PLEKHF2: variants seen among roughly 807,000 people sequenced by gnomAD.
PLEKHF2 encodes pleckstrin homology domain-containing family F member 2.
Under a neutral mutation model 14.7 loss-of-function variants are expected in PLEKHF2, and 4 were observed. That is an observed-to-expected ratio of 0.27 (90% CI 0.13 to 0.62). PLEKHF2 has a LOEUF of 0.62. Ranked by LOEUF, PLEKHF2 falls within the 20% of genes least tolerant of loss-of-function variation. The probability of loss-of-function intolerance (pLI) is 0.85; values close to 1 mark genes in which losing one functional copy is unlikely to be tolerated. For synonymous variants in PLEKHF2, 90 were observed against 103.5 expected, an observed-to-expected ratio of 0.87 and a Z score of 0.79; for missense variants, 201 against 307.7, an observed-to-expected ratio of 0.65 and a Z score of 2.60.
rs1280519587 is a variant in PLEKHF2, at chr8:95,156,612, A to AT, written c.*1819dup. 6.0e-6 allele frequency: 1 copy of AT among 167,084 alleles called. No individual in the cohort carries two copies. Among genetic ancestry groups the AT allele is most frequent in the Admixed American group, 6.5e-5 (1 of 15,284 alleles). 10.4% of individuals were successfully genotyped at this position (167,084 alleles called of 1,614,324 possible). A position where few individuals can be genotyped will look rare whatever the true frequency, so the allele number is the denominator to read the frequency against. On this transcript the variant is annotated 3_prime_UTR_variant, in exon 2 of 2. Coordinates refer to ENST00000315367, the MANE Select transcript of PLEKHF2 (RefSeq NM_024613.4). ...TAGCAAATTCAGGAACCAAGGGGAA[A>AT]TGTTGTGAGATAACATTTACATTGT...
At chr8:95,153,802 T>C (rs180905478) in intron 1 of PLEKHF2, among the ~76,000 whole-genome samples, 22 of 152,310 alleles carry the variant, frequency 1.4e-4, no homozygotes, top group Non-Finnish European at 2.5e-4. Context: ...AAATACCTGC[T>C]TAACTAGTAT....
intron 1 of PLEKHF2, among the ~76,000 whole-genome samples, chr8:95,143,808 A>G (rs1810462476): frequency 1.3e-5 from 2 of 152,212 alleles, no homozygotes; most frequent in African/African-American, 4.8e-5. Context: ...AGGATTTTAG[A>G]TTTGATTCTG....
At chr8:95,148,277 T>C (rs1810522184) in intron 1 of PLEKHF2, among the ~76,000 whole-genome samples, 1 of 152,024 alleles carries the variant, frequency 6.6e-6, no homozygotes, top group East Asian at 1.9e-4. Context: ...AGACAAAAAG[T>C]ATTTTCGACC....
At chr8:95,149,875 G>A (rs1270140472) in intron 1 of PLEKHF2, among the ~76,000 whole-genome samples, 1 of 152,140 alleles carries the variant, frequency 6.6e-6, no homozygotes, top group Admixed American at 6.6e-5. Context: ...GAAGGACTCA[G>A]TCCTTGGCTA....
At position 95,153,999 on chromosome 8, in the gene PLEKHF2, A is replaced by G. The variant is rs761658247; in HGVS notation, c.-14-32A>G. On this transcript the variant is annotated intron_variant, in intron 1 of 1. Transcript: ENST00000315367. ...TAACTTATAGGAATTTATAATTTAT[A>G]TGTGCTAATTTCTTTTTCTTTTTTT... 4 of 1,416,330 alleles carry G rather than the reference A, an allele frequency of 2.8e-6. No homozygotes were observed. The South Asian group carries it at 5.1e-5, about 18-fold the overall frequency. 87.7% of individuals were successfully genotyped at this position (1,416,330 alleles called of 1,614,324 possible).
At chr8:95,144,867 G>GAAA (rs35770837) in intron 1 of PLEKHF2, among the ~76,000 whole-genome samples, 3 of 65,110 alleles carry the variant, frequency 4.6e-5, no homozygotes, top group Admixed American at 1.7e-4. Context: ...TCTGTCTCAA[G>GAAA]AAAAAAAAAA....
intron 1 of PLEKHF2, among the ~76,000 whole-genome samples, chr8:95,135,872 A>C (rs767424668): frequency 3.3e-5 from 5 of 152,040 alleles, no homozygotes; most frequent in Non-Finnish European, 4.4e-5. Flanking sequence ...CTCTGACTTG[A>C]ATTTAGTTCT....
At chr8:95,144,318 A>T (rs1374930093) in intron 1 of PLEKHF2, among the ~76,000 whole-genome samples, 2 of 152,088 alleles carry the variant, frequency 1.3e-5, no homozygotes, top group African/African-American at 4.8e-5. Flanking sequence ...TTTATGTACT[A>T]TTTCTCTATC....
rs1295172395 is a variant in PLEKHF2 at position 95,155,712 on chromosome 8, G to GA, written c.*922dup. The GA allele has an allele frequency of 2.4e-5, 4 of 166,892 alleles. No individual in the cohort carries two copies. The highest frequency in any genetic ancestry group is 5.9e-5 in the Non-Finnish European group (4 of 68,060). The allele number at this position is 166,892 out of a possible 1,614,324, so 10.3% of individuals were successfully genotyped here. A position where few individuals can be genotyped will look rare whatever the true frequency, so the allele number is the denominator to read the frequency against. On this transcript the variant is annotated 3_prime_UTR_variant, in exon 2 of 2. Transcript: ENST00000315367. ...GGATTGAAAATCTTATAAAACCCTTGAAAATAAACAGTCTCTTTTTTACAA... is the reference window on the plus strand; with the variant it reads ...GGATTGAAAATCTTATAAAACCCTTGAAAAATAAACAGTCTCTTTTTTACAA...
Position 95,154,108 on chromosome 8 carries a change from T to C in PLEKHF2, c.64T>C (p.Phe22Leu). ...TRRISIVENC[F>L]GAAGQPLTIP... is the part of the protein sequence containing the mutation. Reference sequence around the variant, plus strand: ...ACGTATAAGTATAGTGGAAAACTGTTTTGGAGCAGCTGGTCAACCTTTAAC... The same window carrying C: ...ACGTATAAGTATAGTGGAAAACTGTCTTGGAGCAGCTGGTCAACCTTTAAC... The change falls in exon 2 of 2, where the codon TTT becomes CTT. Residue 22 changes from phenylalanine (F) to leucine (L), a missense_variant. Physicochemically the swap from Phe to Leu is conservative, Grantham distance 22. Transcript: ENST00000315367. This position sits in a 1 kb window ranked among gnomAD's most constrained non-coding sequence, Gnocchi z 5.6. 6.2e-7 allele frequency: 1 copy of C among 1,613,826 alleles called. No individual in the cohort carries two copies. Among genetic ancestry groups the C allele is most frequent in the Non-Finnish European group, 8.5e-7 (1 of 1,179,874 alleles).
intron 1 of PLEKHF2, among the ~76,000 whole-genome samples, chr8:95,147,637 C>A (rs1235254564): frequency 1.3e-5 from 2 of 151,912 alleles, no homozygotes; most frequent in Non-Finnish European, 1.5e-5. Context: ...ATTATTTAAT[C>A]ATTATTCATT....
At chr8:95,150,242 T>C (rs1810541344) in intron 1 of PLEKHF2, among the ~76,000 whole-genome samples, 1 of 152,050 alleles carries the variant, frequency 6.6e-6, no homozygotes, top group Non-Finnish European at 1.5e-5. Flanking sequence ...GTTTTTTAGT[T>C]CATTGCTTAC....
In PLEKHF2 at chr8:95,155,782, A is replaced by G. The variant is rs1431458468; in HGVS notation, c.*988A>G. 6.0e-6 allele frequency: 1 copy of G among 167,108 alleles called. No homozygotes were observed. Among genetic ancestry groups the G allele is most frequent in the Non-Finnish European group, 1.5e-5 (1 of 68,104 alleles). 10.4% of individuals were successfully genotyped at this position (167,108 alleles called of 1,614,324 possible). A position where few individuals can be genotyped will look rare whatever the true frequency, so the allele number is the denominator to read the frequency against. On this transcript the variant is annotated 3_prime_UTR_variant, in exon 2 of 2. Transcript: ENST00000315367. ...ATTTACCTAGGCTTGAAGATTTGGAAGAAATAATATGTAAGAATGGCCTCA... is the reference window on the plus strand; with the variant it reads ...ATTTACCTAGGCTTGAAGATTTGGAGGAAATAATATGTAAGAATGGCCTCA...
intron 1 of PLEKHF2, among the ~76,000 whole-genome samples, chr8:95,146,933 AC>A (rs1239658656): frequency 6.6e-6 from 1 of 152,086 alleles, no homozygotes; most frequent in Non-Finnish European, 1.5e-5. Context: ...TAGAAAACAT[AC>A]TGTAAAAAAG....
At chr8:95,144,757 C>T (rs1563882742) in intron 1 of PLEKHF2, among the ~76,000 whole-genome samples, 1 of 151,392 alleles carries the variant, frequency 6.6e-6, no homozygotes, top group Non-Finnish European at 1.5e-5. Flanking sequence ...ATCCCAGCTA[C>T]TCAGGAGGCT....
chr8:95,148,251 T>G (rs139690309), intron 1 of PLEKHF2, among the ~76,000 whole-genome samples: 19 of 152,128 alleles, frequency 1.2e-4, no homozygotes, highest in African/African-American at 4.3e-4. Context: ...CGTCATAAAA[T>G]TACTTAAAAT....
In PLEKHF2 at chr8:95,155,385, T is replaced by C. The variant is rs1340694025; in HGVS notation, c.*591T>C. On this transcript the variant is annotated 3_prime_UTR_variant, in exon 2 of 2. Coordinates refer to ENST00000315367, the MANE Select transcript of PLEKHF2 (RefSeq NM_024613.4). ...GCTCTTTGAAGTGATAAAATGAGTG[T>C]TTATGAATGGGTGTAATTAGGAAAT... The C allele has an allele frequency of 1.2e-5, 2 of 167,148 alleles. No homozygotes were observed. The highest frequency in any genetic ancestry group is 4.8e-5 in the African/African-American group (2 of 41,462). The allele number at this position is 167,148 out of a possible 1,614,324, so 10.4% of individuals were successfully genotyped here.
At chr8:95,135,529 T>C (rs950125173) in intron 1 of PLEKHF2, among the ~76,000 whole-genome samples, 3 of 152,114 alleles carry the variant, frequency 2.0e-5, no homozygotes, top group Non-Finnish European at 4.4e-5. Flanking sequence ...GCCTCCTGAG[T>C]AGTTAGGACT....
chr8:95,136,331 T>TACACACACACACACACACAC (rs1490601825), intron 1 of PLEKHF2, among the ~76,000 whole-genome samples: 1 of 107,736 alleles, frequency 9.3e-6, no homozygotes, highest in Admixed American at 9.7e-5. Flanking sequence ...TTTTATTATA[T>TACACACACACACACACACAC]ATACACACAC....
Sources: gnomAD v4.1 joint callset for allele counts (sites outside exome capture counted in the v4.1 genomes callset) on GRCh38, gnomAD v4.1.1 for gene constraint, Gnocchi (gnomAD v3.1) non-coding constraint, MANE v1.5 for transcripts, NCBI Gene and HGNC (gene_info 2026-07-23, HGNC 2026-07-21) for gene names.